Variants in TGFA observed in about 807,000 individuals in gnomAD.
TGFA encodes the protein protransforming growth factor alpha.
TGFA carries 12 observed loss-of-function variants against 21.7 expected under a neutral mutation model. The ratio of observed to expected loss-of-function variants is 0.55; its 90% CI spans 0.35 to 0.90. The LOEUF (loss-of-function observed/expected upper bound fraction) is 0.90. TGFA is among the 40% of genes least tolerant of loss of function. The probability of loss-of-function intolerance (pLI) is 0.01; values close to 1 mark genes in which losing one functional copy is unlikely to be tolerated. For missense variants in TGFA, 178 were observed against 210.8 expected, an observed-to-expected ratio of 0.84 and a Z score of 0.96; for synonymous variants, 79 against 88.1, an observed-to-expected ratio of 0.90 and a Z score of 0.58.
At chr2:70,453,955 G>C (rs1670140724) in intron 4 of TGFA, among the ~76,000 whole-genome samples, 1 of 151,698 alleles carries the variant, frequency 6.6e-6, no homozygotes, top group Non-Finnish European at 1.5e-5. Context: ...GGTTATAAAG[G>C]CTCCTGCCTC....
chr2:70,507,112 C>T (rs1239870743), intron 2 of TGFA, among the ~76,000 whole-genome samples: 1 of 152,184 alleles, frequency 6.6e-6, no homozygotes, highest in Non-Finnish European at 1.5e-5. Context: ...AATGGGTGTC[C>T]CTCATGCAAG....
At chr2:70,542,807 T>A (rs1179093096) in intron 1 of TGFA, among the ~76,000 whole-genome samples, 4 of 152,194 alleles carry the variant, frequency 2.6e-5, no homozygotes, top group Non-Finnish European at 4.4e-5. Flanking sequence ...GGGAACACTG[T>A]TACTTATGAA....
intron 2 of TGFA, among the ~76,000 whole-genome samples, chr2:70,466,925 C>G (rs987608264): frequency 6.6e-6 from 1 of 152,054 alleles, no homozygotes; most frequent in African/African-American, 2.4e-5. Context: ...AGCAAACTAA[C>G]GCAGGAAGAG....
At chr2:70,458,499 C>G (rs1164598449) in intron 3 of TGFA, among the ~76,000 whole-genome samples, 4 of 152,160 alleles carry the variant, frequency 2.6e-5, no homozygotes, top group Admixed American at 6.5e-5. Flanking sequence ...TCCCCACCCC[C>G]AGCCCAGTGT....
chr2:70,533,643 T>C (rs575124660), intron 1 of TGFA, among the ~76,000 whole-genome samples: 142 of 152,322 alleles, frequency 9.3e-4, no homozygotes, highest in Admixed American at 1.4e-3. Context: ...TCTTGTTAAC[T>C]GTGTTAACTA....
chr2:70,521,675 C>T (rs782371830), intron 1 of TGFA, among the ~76,000 whole-genome samples: 9 of 120,770 alleles, frequency 7.5e-5, no homozygotes, highest in Non-Finnish European at 1.3e-4. Flanking sequence ...AGTGCAGTGG[C>T]ACGATCTTGG....
At chr2:70,498,372 G>A (rs1239362158) in intron 2 of TGFA, among the ~76,000 whole-genome samples, 1 of 152,212 alleles carries the variant, frequency 6.6e-6, no homozygotes, top group African/African-American at 2.4e-5. Flanking sequence ...GGTGGCAGGT[G>A]GGAAATAGGC....
chr2:70,546,080 A>G (rs1673293555), intron 1 of TGFA, among the ~76,000 whole-genome samples: 1 of 152,244 alleles, frequency 6.6e-6, no homozygotes, highest in Admixed American at 6.5e-5. Context: ...GTGTTATGGA[A>G]GATCAAGAAA....
chr2:70,510,065 T>C (rs1479694826), intron 2 of TGFA, among the ~76,000 whole-genome samples: 17 of 152,232 alleles, frequency 1.1e-4, no homozygotes, highest in Admixed American at 5.9e-4. Flanking sequence ...CCAACCATGC[T>C]ATTGATTTCA....
At chr2:70,481,641 G>A (rs1671124635) in intron 2 of TGFA, among the ~76,000 whole-genome samples, 1 of 152,164 alleles carries the variant, frequency 6.6e-6, no homozygotes, top group Admixed American at 6.5e-5. Context: ...GGGCTGGTCT[G>A]TGCGACCAAT....
chr2:70,504,177 C>T (rs544024746), intron 2 of TGFA, among the ~76,000 whole-genome samples: 2 of 151,516 alleles, frequency 1.3e-5, no homozygotes, highest in African/African-American at 2.4e-5. Flanking sequence ...ACTGGGAGGC[C>T]GAGGTGGGTG....
intron 4 of TGFA, among the ~76,000 whole-genome samples, 153 bp downstream of exon 4, chr2:70,456,186 C>A (rs887165487): frequency 3.9e-5 from 6 of 152,364 alleles, no homozygotes; most frequent in Non-Finnish European, 8.8e-5. Context: ...GCCATGCCAA[C>A]AGTCATCAAA....
chr2:70,547,857 A>C (rs188439848), intron 1 of TGFA, among the ~76,000 whole-genome samples: 1 of 146,510 alleles, frequency 6.8e-6, no homozygotes, highest in East Asian at 2.3e-4. Flanking sequence ...ATATATATCT[A>C]TATATAGAGA....
chr2:70,505,594 T>C (rs1478110310), intron 2 of TGFA, among the ~76,000 whole-genome samples: 1 of 151,890 alleles, frequency 6.6e-6, no homozygotes, highest in African/African-American at 2.4e-5. Flanking sequence ...GGAGACATGC[T>C]CATTAAATCC....
At chr2:70,512,045 G>T (rs1284456773) in intron 2 of TGFA, among the ~76,000 whole-genome samples, 2 of 152,030 alleles carry the variant, frequency 1.3e-5, no homozygotes, top group Non-Finnish European at 2.9e-5. Flanking sequence ...GGGATGGGGT[G>T]GGAAGGCCTA....
chr2:70,553,816 G>C lies in TGFA; in HGVS notation c.-49C>G, dbSNP rs781945869. On this transcript the variant is annotated 5_prime_UTR_variant, in exon 1 of 6. Transcript: ENST00000295400. ...CTCTCCAGCCTCCTGCCCTACCTGC[G>C]GTGCCCGAGTGGCGGAGCGGCGCCG... The C allele has an allele frequency of 1.6e-6, 2 of 1,249,666 alleles. No homozygotes were observed. The highest frequency in any genetic ancestry group is 3.9e-5 in the South Asian group (1 of 25,658). The allele number at this position is 1,249,666 out of a possible 1,614,324, so 77.4% of individuals were successfully genotyped here.
intron 2 of TGFA, among the ~76,000 whole-genome samples, chr2:70,481,845 C>G (rs1240936832): frequency 6.6e-6 from 1 of 152,176 alleles, no homozygotes; most frequent in African/African-American, 2.4e-5. Context: ...GTGAGCCATT[C>G]TTCAGCCCCA....
At chr2:70,472,823 C>T (rs1218180076) in intron 2 of TGFA, among the ~76,000 whole-genome samples, 3 of 152,270 alleles carry the variant, frequency 2.0e-5, no homozygotes, top group Non-Finnish European at 2.9e-5. Flanking sequence ...ACATCATTTA[C>T]AGCCATTTCA....
intron 2 of TGFA, among the ~76,000 whole-genome samples, chr2:70,501,547 A>T (rs1671738219): frequency 6.6e-6 from 1 of 152,132 alleles, no homozygotes; most frequent in South Asian, 2.1e-4. Flanking sequence ...TGGGCCAAAG[A>T]GCCCTTCAGT....
Sources: gnomAD v4.1 joint callset for allele counts (sites outside exome capture counted in the v4.1 genomes callset) on GRCh38, gnomAD v4.1.1 for gene constraint, MANE v1.5 for transcripts, NCBI Gene and HGNC (gene_info 2026-07-23, HGNC 2026-07-21) for gene names.